RTN1: variants seen among roughly 807,000 people sequenced by gnomAD.
The protein encoded by RTN1 is reticulon-1.
A neutral mutation model predicts 65.5 loss-of-function variants in RTN1; 25 were observed. That is an observed-to-expected ratio of 0.38 (90% CI 0.28 to 0.53). The LOEUF is 0.53. Among genes scored for constraint, RTN1 ranks in the 20% least tolerant of loss-of-function variants. The probability of loss-of-function intolerance (pLI) is 0.79; values close to 1 mark genes in which losing one functional copy is unlikely to be tolerated. For synonymous variants in RTN1, 471 were observed against 447.6 expected (o/e 1.05, Z -0.66); for missense variants, 983 against 1,025.4 (o/e 0.96, Z 0.57).
At chr14:59,671,044 T>G (rs1302397480) in intron 3 of RTN1, among the ~76,000 whole-genome samples, 2 of 152,196 alleles carry the variant, frequency 1.3e-5, no homozygotes, top group Non-Finnish European at 2.9e-5. Flanking sequence ...CCTGTTGGTT[T>G]TAAGTAGTGG....
chr14:59,726,543 A>G (rs1311243929), intron 3 of RTN1, among the ~76,000 whole-genome samples: 2 of 152,146 alleles, frequency 1.3e-5, no homozygotes, highest in Non-Finnish European at 1.5e-5. Flanking sequence ...TGAGCAGGGG[A>G]ACTGGACCAG....
chr14:59,716,841 G>A (rs1020656796), intron 3 of RTN1, among the ~76,000 whole-genome samples: 47 of 151,784 alleles, frequency 3.1e-4, no homozygotes, highest in Non-Finnish European at 5.3e-4. Context: ...GGTGGTGGAC[G>A]CCTGTAGTCC....
Position 59,870,656 on chromosome 14 carries a change from C to A in RTN1, c.-26G>T. On this transcript the variant is annotated 5_prime_UTR_variant, in exon 1 of 9. Transcript: ENST00000267484. The surrounding 1 kb of genome is among the most constrained non-coding windows in gnomAD (Gnocchi z 5.1). ...GGCTGGCGGTCCCCCGGCGCGGCGA[C>A]GGCGGCTTGGCTGGGCAGAGGCTCG... The A allele has an allele frequency of 7.4e-7, 1 of 1,356,890 alleles. No homozygotes were observed. Among genetic ancestry groups the A allele is most frequent in the Non-Finnish European group, 9.4e-7 (1 of 1,062,314 alleles). The allele number at this position is 1,356,890 out of a possible 1,614,324, so 84.1% of individuals were successfully genotyped here. A position where few individuals can be genotyped will look rare whatever the true frequency, so the allele number is the denominator to read the frequency against.
intron 3 of RTN1, among the ~76,000 whole-genome samples, chr14:59,673,309 C>T (rs1004974644): frequency 2.0e-4 from 30 of 151,958 alleles, no homozygotes; most frequent in African/African-American, 4.8e-4. Flanking sequence ...TCTTGTTGCT[C>T]GGCGAGTGGG....
At chr14:59,750,105 ATATT>A (rs1594722269) in intron 1 of RTN1, among the ~76,000 whole-genome samples, 2 of 60,252 alleles carry the variant, frequency 3.3e-5, no homozygotes, top group East Asian at 8.2e-4. Context: ...TATATATTAT[ATATT>A]ATATATAATA....
At chr14:59,698,889 A>G (rs528919942) in intron 3 of RTN1, among the ~76,000 whole-genome samples, 25 of 152,312 alleles carry the variant, frequency 1.6e-4, no homozygotes, top group African/African-American at 4.6e-4. Flanking sequence ...ACACTTCTAA[A>G]GCATTTCTGA....
intron 1 of RTN1, among the ~76,000 whole-genome samples, chr14:59,752,644 C>T (rs1885556947): frequency 6.6e-6 from 1 of 152,088 alleles, no homozygotes; most frequent in Non-Finnish European, 1.5e-5. Flanking sequence ...GTACATGTTA[C>T]CTTCTTCTAA....
chr14:59,679,919 T>A (rs908452878), intron 3 of RTN1, among the ~76,000 whole-genome samples: 4 of 152,134 alleles, frequency 2.6e-5, no homozygotes, highest in African/African-American at 7.2e-5. Flanking sequence ...TTTTCTTTTT[T>A]AAAAAAATAG....
intron 1 of RTN1, among the ~76,000 whole-genome samples, chr14:59,812,416 G>A (rs548512920): frequency 1.2e-4 from 19 of 152,194 alleles, no homozygotes; most frequent in Admixed American, 1.2e-3. Context: ...CCTTGAAAAA[G>A]GTCTGAAGGC....
At position 59,637,656 on chromosome 14, in the gene RTN1, G is replaced by C. The variant is rs556630310; in HGVS notation, c.1766-30164C>G. Among the ~76,000 whole-genome samples the C allele has an allele frequency of 7.7e-3, 1,148 of 148,684 alleles. 18 individuals carry two copies. Among genetic ancestry groups the C allele is most frequent in the African/African-American group, 0.026 (1,030 of 40,254 alleles). On this transcript the variant is annotated intron_variant, in intron 3 of 8. Coordinates refer to ENST00000267484, the MANE Select transcript of RTN1 (RefSeq NM_021136.3). ...GAACCTGGGAGGCAGAGGTTGCAGT[G>C]AGCCAAGATCGTGCCACTGCACTCC...
intron 3 of RTN1, among the ~76,000 whole-genome samples, chr14:59,676,929 T>C (rs1475992989): frequency 6.6e-6 from 1 of 151,666 alleles, no homozygotes; most frequent in African/African-American, 2.4e-5. Flanking sequence ...CCCAAAGAGG[T>C]TTTCTGGGAA....
At chr14:59,655,802 T>G (rs1041734533) in intron 3 of RTN1, among the ~76,000 whole-genome samples, 9 of 152,188 alleles carry the variant, frequency 5.9e-5, no homozygotes, top group African/African-American at 2.2e-4. Context: ...AGAACAAATT[T>G]GGACCTCTGC....
chr14:59,867,205 C>G (rs1316836464), intron 1 of RTN1, among the ~76,000 whole-genome samples: 2 of 152,130 alleles, frequency 1.3e-5, no homozygotes, highest in Admixed American at 6.5e-5. Context: ...AACAAAGGAC[C>G]ATTCTTTTTT....
At chr14:59,773,424 A>G (rs1885994357) in intron 1 of RTN1, among the ~76,000 whole-genome samples, 1 of 152,202 alleles carries the variant, frequency 6.6e-6, no homozygotes, top group East Asian at 1.9e-4. Context: ...TGTCTATTAC[A>G]TATCTTCTGA....
intron 3 of RTN1, among the ~76,000 whole-genome samples, chr14:59,719,463 T>C (rs371439431): frequency 1.3e-5 from 2 of 152,348 alleles, no homozygotes; most frequent in East Asian, 1.9e-4. Context: ...TTCTTCTTAA[T>C]GTCTACTCCC....
intron 1 of RTN1, among the ~76,000 whole-genome samples, chr14:59,771,295 C>T (rs907198435): frequency 2.6e-5 from 4 of 152,162 alleles, no homozygotes; most frequent in East Asian, 1.9e-4. Flanking sequence ...CAACAGGGGT[C>T]ATCAGCTGAC....
At chr14:59,676,224 T>C (rs1361934995) in intron 3 of RTN1, among the ~76,000 whole-genome samples, 1 of 152,170 alleles carries the variant, frequency 6.6e-6, no homozygotes, top group Non-Finnish European at 1.5e-5. Context: ...TGTCTTCAAC[T>C]TGAAGTGGAA....
intron 1 of RTN1, among the ~76,000 whole-genome samples, chr14:59,864,887 A>C (rs558855406): frequency 6.7e-6 from 1 of 148,396 alleles, no homozygotes; most frequent in East Asian, 2.2e-4. Flanking sequence ...GTTGCTTTTG[A>C]ATAAACATTA....
At chr14:59,675,771 AT>A (rs1883614389) in intron 3 of RTN1, among the ~76,000 whole-genome samples, 1 of 152,000 alleles carries the variant, frequency 6.6e-6, no homozygotes, top group African/African-American at 2.4e-5. Flanking sequence ...CAGCCAGATT[AT>A]TTTTATTATC....
Sources: allele counts gnomAD v4.1 joint callset (sites outside exome capture counted in the v4.1 genomes callset), GRCh38; gene constraint gnomAD v4.1.1; non-coding constraint Gnocchi (gnomAD v3.1); transcripts MANE v1.5; gene names NCBI Gene and HGNC (gene_info 2026-07-23, HGNC 2026-07-21).